FAM193A: variants seen among roughly 807,000 people sequenced by gnomAD.
FAM193A encodes the protein family with sequence similarity 193 member A.
A neutral mutation model predicts 126.5 loss-of-function variants in FAM193A; 22 were observed. That is an observed-to-expected ratio of 0.17 (90% CI 0.12 to 0.25). FAM193A has a LOEUF of 0.25. Ranked by LOEUF, FAM193A falls within the 10% of genes least tolerant of loss-of-function variation. The pLI, the probability that FAM193A is intolerant of heterozygous loss-of-function variation, is 1.00. For synonymous variants in FAM193A, 761 were observed against 646.8 expected (o/e 1.18, Z -2.68); for missense variants, 1,675 against 1,672.8 (o/e 1.00, Z -0.02).
intron 20 of FAM193A, among the ~76,000 whole-genome samples, chr4:2,725,374 C>A (rs1720614504): frequency 6.9e-6 from 1 of 143,936 alleles, no homozygotes; most frequent in Non-Finnish European, 1.5e-5. Context: ...CGCTTGAGCC[C>A]AGGAGGTCGA....
intron 6 of FAM193A, among the ~76,000 whole-genome samples, chr4:2,643,142 G>A (rs986508988): frequency 6.6e-6 from 1 of 152,102 alleles, no homozygotes; most frequent in Non-Finnish European, 1.5e-5. Context: ...CAACCAGCAC[G>A]TTCCCTGAGC....
intron 1 of FAM193A, among the ~76,000 whole-genome samples, chr4:2,563,323 C>G (rs1197226267): frequency 1.3e-5 from 2 of 152,154 alleles, no homozygotes; most frequent in Non-Finnish European, 2.9e-5. Flanking sequence ...AATTTGTATG[C>G]ATGACACAGC....
intron 1 of FAM193A, among the ~76,000 whole-genome samples, chr4:2,562,091 A>T (rs1738650293): frequency 6.6e-6 from 1 of 152,146 alleles, no homozygotes; most frequent in Admixed American, 6.6e-5. Context: ...ATTGTGTTAG[A>T]TAATCTCGAA....
chr4:2,545,215 A>G (rs1737474064), intron 1 of FAM193A, among the ~76,000 whole-genome samples: 1 of 151,620 alleles, frequency 6.6e-6, no homozygotes, highest in Non-Finnish European at 1.5e-5. Context: ...CTGGCCTTGA[A>G]CTCCTGACCT....
At position 2,590,458 on chromosome 4, in the gene FAM193A, C is replaced by T. The variant is rs1740467304; in HGVS notation, c.256-5626C>T. On this transcript the variant is annotated intron_variant, in intron 1 of 20. Coordinates refer to ENST00000637812, the MANE Select transcript of FAM193A (RefSeq NM_001366318.2). ...CCAGCCTGGTGACAGAGCGAGACTC[C>T]ATCTCAAAAAAAAAAAACAAAAAAA... 2.3e-5 allele frequency among the ~76,000 whole-genome samples: 2 copies of T among 86,194 alleles called. 1 individual carries two copies. Among genetic ancestry groups the T allele is most frequent in the Non-Finnish European group, 4.2e-5 (2 of 47,218 alleles). 56.5% of individuals were successfully genotyped at this position (86,194 alleles called of 152,430 possible).
Position 2,659,694 on chromosome 4 carries a change from C to T in FAM193A, c.1502+24C>T, listed in dbSNP as rs775425250. On this transcript the variant is annotated intron_variant, in intron 9 of 20. Transcript: ENST00000637812. ...AGGTAAGGCTGGGTTGTGGTGTCAG[C>T]ACGACTGGCCCATTGGACCTTCACT... is the stretch of plus-strand genomic sequence containing the variant. The T allele has an allele frequency of 3.7e-6, 6 of 1,611,002 alleles. No individual in the cohort carries two copies. In the South Asian group the frequency reaches 6.6e-5, roughly 18 times the overall value.
upstream of FAM193A, among the ~76,000 whole-genome samples, chr4:2,536,370 G>A (rs950640119): frequency 5.3e-5 from 8 of 151,870 alleles, no homozygotes; most frequent in Admixed American, 1.3e-4. Context: ...CCAGCTCCCT[G>A]GCCCCAGCTC....
chr4:2,696,913 G>A (rs9684079), intron 18 of FAM193A, among the ~76,000 whole-genome samples: 2,113 of 152,268 alleles, frequency 0.014, 43 homozygotes, highest in African/African-American at 0.048. Flanking sequence ...GAAAGGAGCC[G>A]TCAACTGTAG....
intron 8 of FAM193A, 140 bp from the exon 9 acceptor site, chr4:2,659,418 G>T: frequency 1.5e-6 from 1 of 653,636 alleles, no homozygotes; most frequent in South Asian, 1.8e-5. Context: ...CAGGTCTGCT[G>T]CCCCTGTATT....
At chr4:2,703,521 A>G (rs1277258279) in intron 19 of FAM193A, among the ~76,000 whole-genome samples, 1 of 152,172 alleles carries the variant, frequency 6.6e-6, no homozygotes, top group Non-Finnish European at 1.5e-5. Flanking sequence ...TGCTGGGATT[A>G]CAGGTGTGAG....
intron 13 of FAM193A, among the ~76,000 whole-genome samples, chr4:2,674,075 C>T (rs1013673275): frequency 3.3e-5 from 5 of 152,118 alleles, no homozygotes; most frequent in South Asian, 2.1e-4. Flanking sequence ...TATAACTAAA[C>T]GTTATTTCTA....
intron 20 of FAM193A, among the ~76,000 whole-genome samples, chr4:2,716,550 GGAGT>G (rs1437328995): frequency 6.6e-6 from 1 of 152,142 alleles, no homozygotes; most frequent in African/African-American, 2.4e-5. Flanking sequence ...TGAACACACT[GGAGT>G]GGTATGCTTT....
rs771414673 is a variant in FAM193A, at chr4:2,646,671, C to A, written c.1164-14C>A. 2.1e-5 allele frequency: 34 copies of A among 1,586,650 alleles called. No individual in the cohort carries two copies. Among genetic ancestry groups the A allele is most frequent in the Non-Finnish European group, 2.8e-5 (33 of 1,167,828 alleles). On this transcript the variant is annotated splice_polypyrimidine_tract_variant and intron_variant, in intron 6 of 20. Coordinates refer to ENST00000637812, the MANE Select transcript of FAM193A (RefSeq NM_001366318.2). ...TGGGTTCTTTCCTTTGTTACAAGGC[C>A]TTCTCTCTCCTAGGCTAGGAACCAC...
At chr4:2,574,886 A>G (rs1739496090) in intron 1 of FAM193A, among the ~76,000 whole-genome samples, 1 of 152,214 alleles carries the variant, frequency 6.6e-6, no homozygotes, top group Non-Finnish European at 1.5e-5. Context: ...GAAAAGCTGA[A>G]TGAAATCAAG....
chr4:2,671,328 A>G (rs1421037271), intron 12 of FAM193A, among the ~76,000 whole-genome samples: 1 of 152,246 alleles, frequency 6.6e-6, no homozygotes, highest in African/African-American at 2.4e-5. Flanking sequence ...TCAAGGGAAC[A>G]GAGCTGCAGG....
chr4:2,592,702 T>C (rs555577928), intron 1 of FAM193A, among the ~76,000 whole-genome samples: 1 of 152,250 alleles, frequency 6.6e-6, no homozygotes, highest in African/African-American at 2.4e-5. Context: ...GTTGAGACTT[T>C]GGGGAGGCCA....
intron 1 of FAM193A, among the ~76,000 whole-genome samples, chr4:2,573,086 A>G (rs1008153350): frequency 6.6e-6 from 1 of 152,136 alleles, no homozygotes; most frequent in Admixed American, 6.6e-5. Context: ...ACTCAGTGTC[A>G]GATAAGCAGG....
intron 20 of FAM193A, among the ~76,000 whole-genome samples, chr4:2,728,471 C>T (rs1167465349): frequency 6.6e-6 from 1 of 152,038 alleles, no homozygotes; most frequent in East Asian, 1.9e-4. Flanking sequence ...GGCATTTGTG[C>T]ATAGACTGTC....
In FAM193A at chr4:2,700,011, A is replaced by C. The variant is rs1290478693; in HGVS notation, c.3839A>C (p.His1280Pro). The C allele has an allele frequency of 6.2e-7, 1 of 1,613,922 alleles. No individual in the cohort carries two copies. Among genetic ancestry groups the C allele is most frequent in the South Asian group, 1.1e-5 (1 of 91,068 alleles). Residue 1280 changes from histidine to proline, a missense_variant, in exon 19 of 21, where the codon CAT (histidine) becomes CCT (proline). By Grantham distance (77) the His-to-Pro change is moderately conservative. This residue lies in a region of FAM193A where 415 missense variants were observed against 396.7 expected (regional missense o/e 1.05). Coordinates refer to ENST00000637812, the MANE Select transcript of FAM193A (RefSeq NM_001366318.2). ...ACCTCTTCTCACTCCCCATCCAGGC[A>C]TATGAACCACTCAGAGCCCAGGCCA... ...PETSSHSPSR[H>P]MNHSEPRPGL...
Sources: allele counts gnomAD v4.1 joint callset (sites outside exome capture counted in the v4.1 genomes callset), GRCh38; gene constraint gnomAD v4.1.1; regional missense constraint gnomAD v4.1.1; transcripts MANE v1.5; gene names NCBI Gene and HGNC (gene_info 2026-07-23, HGNC 2026-07-21).